The following RAD51B variants were observed in gnomAD, a reference collection of about 807,000 sequenced individuals.
The protein encoded by RAD51B is RAD51 paralog B.
In RAD51B, 38 loss-of-function variants were observed where a neutral mutation model predicts 42.2. That is an observed-to-expected ratio of 0.90 (90% CI 0.70 to 1.18). The LOEUF is 1.18. Ranked by LOEUF, RAD51B falls within the 50% of genes most tolerant of loss-of-function variation. The pLI, the probability that RAD51B is intolerant of heterozygous loss-of-function variation, is 0.00. For missense variants in RAD51B, 373 were observed against 400.7 expected (o/e 0.93, Z 0.59); for synonymous variants, 154 against 145.2 (o/e 1.06, Z -0.43).
At chr14:68,648,903 T>C (rs1426199013) in intron 10 of RAD51B, among the ~76,000 whole-genome samples, 1 of 151,724 alleles carries the variant, frequency 6.6e-6, no homozygotes, top group African/African-American at 2.4e-5. Flanking sequence ...CAGATCTACA[T>C]GTCAGTCAGC....
At chr14:68,385,250 A>T (rs2083568294) in intron 8 of RAD51B, among the ~76,000 whole-genome samples, 1 of 152,106 alleles carries the variant, frequency 6.6e-6, no homozygotes, top group African/African-American at 2.4e-5. Flanking sequence ...GCCACATCAC[A>T]TCAAGGTGAA....
At chr14:68,329,431 A>G (rs2082305822) in intron 8 of RAD51B, among the ~76,000 whole-genome samples, 1 of 152,206 alleles carries the variant, frequency 6.6e-6, no homozygotes. Context: ...ACAAGCTACT[A>G]AAAAGATAGG....
intron 10 of RAD51B, among the ~76,000 whole-genome samples, chr14:68,501,927 C>T (rs981046488): frequency 6.6e-6 from 1 of 152,256 alleles, no homozygotes; most frequent in African/African-American, 2.4e-5. Flanking sequence ...AGGGCGGAGC[C>T]GAGTGTTCCT....
At chr14:67,891,895 A>C (rs2043230692) in intron 7 of RAD51B, among the ~76,000 whole-genome samples, 1 of 152,178 alleles carries the variant, frequency 6.6e-6, no homozygotes, top group South Asian at 2.1e-4. Context: ...TTTTATCTTA[A>C]ACATAAATAT....
At chr14:68,099,427 C>T (rs1382076558) in intron 7 of RAD51B, among the ~76,000 whole-genome samples, 3 of 152,216 alleles carry the variant, frequency 2.0e-5, no homozygotes, top group Admixed American at 2.0e-4. Context: ...CTGAGTAAAA[C>T]CTTCTTAAAT....
At chr14:68,442,686 G>T (rs1261202593) in intron 9 of RAD51B, among the ~76,000 whole-genome samples, 1 of 151,730 alleles carries the variant, frequency 6.6e-6, no homozygotes, top group Non-Finnish European at 1.5e-5. Flanking sequence ...TGATCCGCCC[G>T]CCTCGGCCTC....
intron 9 of RAD51B, among the ~76,000 whole-genome samples, chr14:68,426,242 A>ATT (rs55840994): frequency 8.9e-5 from 12 of 135,272 alleles, no homozygotes; most frequent in East Asian, 2.2e-4. Flanking sequence ...CTAATTTTGT[A>ATT]TTTTTTTTTT....
intron 11 of RAD51B, among the ~76,000 whole-genome samples, chr14:68,654,797 A>T (rs905377764): frequency 6.6e-6 from 1 of 152,140 alleles, no homozygotes; most frequent in Admixed American, 6.5e-5. Flanking sequence ...GGTTCCTGTA[A>T]ACAGGCTTTC....
chr14:67,982,055 G>C (rs1165423754), intron 7 of RAD51B, among the ~76,000 whole-genome samples: 1 of 152,116 alleles, frequency 6.6e-6, no homozygotes, highest in African/African-American at 2.4e-5. Flanking sequence ...TCCTGCCTCA[G>C]CCTCCCAAGT....
intron 7 of RAD51B, among the ~76,000 whole-genome samples, chr14:68,261,267 A>G (rs1208728941): frequency 1.3e-5 from 2 of 152,256 alleles, no homozygotes; most frequent in African/African-American, 4.8e-5. Flanking sequence ...CAAGGCAAAA[A>G]CAGGAAAAGA....
At chr14:67,942,956 A>C (rs1202237119) in intron 7 of RAD51B, among the ~76,000 whole-genome samples, 2 of 152,048 alleles carry the variant, frequency 1.3e-5, no homozygotes, top group East Asian at 1.9e-4. Context: ...TTCTTTTGTC[A>C]GTTTTCTGTG....
At chr14:68,502,459 C>T (rs933638944) in intron 10 of RAD51B, among the ~76,000 whole-genome samples, 2 of 152,190 alleles carry the variant, frequency 1.3e-5, no homozygotes, top group Non-Finnish European at 2.9e-5. Context: ...TGTGGGAAAA[C>T]CCAACACAGA....
intron 10 of RAD51B, among the ~76,000 whole-genome samples, chr14:68,526,028 G>A (rs1475106783): frequency 6.6e-6 from 1 of 152,192 alleles, no homozygotes; most frequent in Non-Finnish European, 1.5e-5. Context: ...TACTACCTCT[G>A]TGACATTGGG....
intron 8 of RAD51B, among the ~76,000 whole-genome samples, chr14:68,399,631 A>G (rs1435823760): frequency 1.3e-5 from 2 of 152,210 alleles, no homozygotes; most frequent in Non-Finnish European, 2.9e-5. Flanking sequence ...ATTTTATAAT[A>G]TTGTTAACTT....
intron 9 of RAD51B, among the ~76,000 whole-genome samples, chr14:68,433,535 G>A (rs1488641968): frequency 1.3e-5 from 2 of 151,958 alleles, no homozygotes; most frequent in Non-Finnish European, 2.9e-5. Flanking sequence ...CCAGTTGATC[G>A]ACTCGGCTCC....
At chr14:68,026,206 G>T (rs1452916805) in intron 7 of RAD51B, among the ~76,000 whole-genome samples, 1 of 152,120 alleles carries the variant, frequency 6.6e-6, no homozygotes, top group Non-Finnish European at 1.5e-5. Flanking sequence ...TGTGGTCCAA[G>T]AGTGTGCTTG....
intron 4 of RAD51B, among the ~76,000 whole-genome samples, chr14:67,862,924 T>A (rs1276138654): frequency 1.3e-5 from 2 of 152,122 alleles, no homozygotes; most frequent in Non-Finnish European, 2.9e-5. Flanking sequence ...AGTAAAATAG[T>A]ATGTTCATAA....
chr14:68,506,258 T>A (rs1885311336), intron 10 of RAD51B, among the ~76,000 whole-genome samples: 1 of 152,168 alleles, frequency 6.6e-6, no homozygotes, highest in Non-Finnish European at 1.5e-5. Flanking sequence ...CTCTGAACAA[T>A]CCAGAGCAGT....
intron 7 of RAD51B, among the ~76,000 whole-genome samples, chr14:68,137,675 G>A (rs1457110563): frequency 6.6e-6 from 1 of 152,174 alleles, no homozygotes; most frequent in Non-Finnish European, 1.5e-5. Flanking sequence ...AAAAAGGTAT[G>A]CACATTTTAA....
Sources: gnomAD v4.1 joint callset for allele counts (sites outside exome capture counted in the v4.1 genomes callset) on GRCh38, gnomAD v4.1.1 for gene constraint, MANE v1.5 for transcripts, NCBI Gene and HGNC (gene_info 2026-07-23, HGNC 2026-07-21) for gene names.